The following CWC27 variants were observed in gnomAD, a reference collection of about 807,000 sequenced individuals.
CWC27 encodes spliceosome-associated protein CWC27 homolog.
In CWC27, 47 loss-of-function variants were observed where a neutral mutation model predicts 63.6. The ratio of observed to expected loss-of-function variants is 0.74; its 90% CI spans 0.58 to 0.94. The LOEUF (loss-of-function observed/expected upper bound fraction) is 0.94, where lower values mean the gene tolerates loss of function less well. CWC27 is among the 40% of genes least tolerant of loss of function. CWC27 has a pLI of 0.00. For missense variants in CWC27, 495 were observed against 554.3 expected, an observed-to-expected ratio of 0.89 and a Z score of 1.07; for synonymous variants, 175 against 179.8, an observed-to-expected ratio of 0.97 and a Z score of 0.22.
chr5:64,811,708 G>A (rs537191568), intron 10 of CWC27, among the ~76,000 whole-genome samples: 72 of 152,098 alleles, frequency 4.7e-4, no homozygotes, highest in African/African-American at 1.7e-3. Context: ...AAGTTAACTG[G>A]AATTTGTGTT....
chr5:64,892,365 A>G (rs548545371), intron 11 of CWC27, among the ~76,000 whole-genome samples: 1 of 143,458 alleles, frequency 7.0e-6, no homozygotes, highest in African/African-American at 2.5e-5. Context: ...CTCTTTATTT[A>G]AAAAAAAAAG....
intron 5 of CWC27, 93 bp downstream of exon 5, chr5:64,785,672 A>C: frequency 2.7e-6 from 2 of 747,516 alleles, no homozygotes; most frequent in Non-Finnish European, 4.4e-6. Context: ...TTAAGGCTTT[A>C]TACTATGTTA....
chr5:64,979,618 G>A (rs1005141277), intron 13 of CWC27, among the ~76,000 whole-genome samples: 4 of 152,168 alleles, frequency 2.6e-5, no homozygotes, highest in Non-Finnish European at 5.9e-5. Flanking sequence ...TGAGTGCATG[G>A]CATGTGCATG....
chr5:64,848,029 G>T (rs1284355422), intron 10 of CWC27, among the ~76,000 whole-genome samples: 1 of 151,748 alleles, frequency 6.6e-6, no homozygotes, highest in Non-Finnish European at 1.5e-5. Context: ...TCAGAGCAGG[G>T]ATAAAGAAAT....
intron 11 of CWC27, among the ~76,000 whole-genome samples, chr5:64,970,670 A>G (rs929514653): frequency 6.6e-6 from 1 of 152,168 alleles, no homozygotes; most frequent in Non-Finnish European, 1.5e-5. Flanking sequence ...TAATGTTTGC[A>G]GCTGTCAGTT....
chr5:64,774,998 T>A (rs1743392723), intron 2 of CWC27, among the ~76,000 whole-genome samples: 1 of 152,210 alleles, frequency 6.6e-6, no homozygotes, highest in Admixed American at 6.5e-5. Context: ...CAGAGCAGTT[T>A]ATCTCAACAA....
intron 11 of CWC27, among the ~76,000 whole-genome samples, chr5:64,948,335 G>A (rs1264943498): frequency 6.6e-6 from 1 of 151,276 alleles, no homozygotes; most frequent in Non-Finnish European, 1.5e-5. Context: ...TTTTGTATTT[G>A]GTTAACAATA....
At chr5:64,838,916 AAAAATAATCAGTCATACTATG>A (rs1745732175) in intron 10 of CWC27, among the ~76,000 whole-genome samples, 1 of 152,300 alleles carries the variant, frequency 6.6e-6, no homozygotes, top group African/African-American at 2.4e-5. Flanking sequence ...GGGATTTATG[AAAAATAATCAGTCATACTATG>A]AAAATAATCA....
At chr5:64,927,508 T>A (rs1580731013) in intron 11 of CWC27, among the ~76,000 whole-genome samples, 1 of 152,142 alleles carries the variant, frequency 6.6e-6, no homozygotes, top group East Asian at 1.9e-4. Context: ...AACTTCTGTT[T>A]CCCCACACAT....
chr5:64,808,336 C>T, intron 10 of CWC27: 1 of 988,778 alleles, frequency 1.0e-6, no homozygotes, highest in Non-Finnish European at 1.2e-6. Flanking sequence ...CAAGTTGGTA[C>T]TATATTCCCT....
intron 10 of CWC27, among the ~76,000 whole-genome samples, chr5:64,833,696 C>T (rs1038666214): frequency 6.6e-6 from 1 of 151,584 alleles, no homozygotes; most frequent in African/African-American, 2.4e-5. Context: ...TTTTCTTTTT[C>T]CTGTGACCTT....
At chr5:64,950,959 T>C (rs1446671209) in intron 11 of CWC27, among the ~76,000 whole-genome samples, 1 of 152,046 alleles carries the variant, frequency 6.6e-6, no homozygotes, top group Non-Finnish European at 1.5e-5. Context: ...TTTTCCTTAT[T>C]TGTTGATGAG....
At chr5:64,963,215 G>A (rs368839448) in intron 11 of CWC27, among the ~76,000 whole-genome samples, 177 of 152,090 alleles carry the variant, frequency 1.2e-3, no homozygotes, top group African/African-American at 3.7e-3. Flanking sequence ...GCCCGCCTCC[G>A]CCTCCCAAAG....
intron 11 of CWC27, among the ~76,000 whole-genome samples, chr5:64,937,052 C>A (rs1748369519): frequency 6.6e-6 from 1 of 152,220 alleles, no homozygotes; most frequent in South Asian, 2.1e-4. Context: ...AATCCAGCTC[C>A]TGGATTCATT....
At chr5:64,881,882 A>C (rs1246046075) in intron 10 of CWC27, among the ~76,000 whole-genome samples, 1 of 152,194 alleles carries the variant, frequency 6.6e-6, no homozygotes, top group African/African-American at 2.4e-5. Flanking sequence ...CAAAGACCTT[A>C]GTGTTCGGAA....
chr5:64,800,014 C>A (rs1744432121), intron 7 of CWC27, among the ~76,000 whole-genome samples: 1 of 151,974 alleles, frequency 6.6e-6, no homozygotes, highest in Non-Finnish European at 1.5e-5. Context: ...CAACAGACTT[C>A]TTTTAAATGA....
At chr5:64,917,469 A>G (rs1465282884) in intron 11 of CWC27, among the ~76,000 whole-genome samples, 4 of 152,156 alleles carry the variant, frequency 2.6e-5, no homozygotes, top group Admixed American at 2.6e-4. Context: ...GGTTAATTCT[A>G]TATGTCAGCT....
intron 10 of CWC27, 40 bp from the exon 11 acceptor site, chr5:64,885,403 C>G (rs768988412): frequency 2.9e-6 from 4 of 1,390,074 alleles, no homozygotes; most frequent in Non-Finnish European, 3.9e-6. Context: ...CTTTTACTCT[C>G]AATATATTAT....
At chr5:64,833,597 TG>T (rs1398296452) in intron 10 of CWC27, among the ~76,000 whole-genome samples, 1 of 151,770 alleles carries the variant, frequency 6.6e-6, no homozygotes, top group Non-Finnish European at 1.5e-5. Context: ...TATTGTTCTA[TG>T]TAGGCTTTTA....
Sources: gnomAD v4.1 joint callset for allele counts (sites outside exome capture counted in the v4.1 genomes callset) on GRCh38, gnomAD v4.1.1 for gene constraint, MANE v1.5 for transcripts, NCBI Gene and HGNC (gene_info 2026-07-23, HGNC 2026-07-21) for gene names.